THTPA: variants seen among roughly 807,000 people sequenced by gnomAD.
THTPA encodes the protein thiamine-triphosphatase.
Under a neutral mutation model 16.5 loss-of-function variants are expected in THTPA, and 16 were observed. The ratio of observed to expected loss-of-function variants is 0.97; its 90% CI spans 0.66 to 1.47. The LOEUF (loss-of-function observed/expected upper bound fraction) is 1.47. Among genes scored for constraint, THTPA ranks in the 40% most tolerant of loss-of-function variants. The pLI, the probability that THTPA is intolerant of heterozygous loss-of-function variation, is 0.00. For missense variants in THTPA, 281 were observed against 280.9 expected, an observed-to-expected ratio of 1.00 and a Z score of 0.00; for synonymous variants, 110 against 115.5, an observed-to-expected ratio of 0.95 and a Z score of 0.30.
At chr14:23,551,885 G>T (rs1881990313), upstream of THTPA, among the ~76,000 whole-genome samples, 1 of 152,154 alleles carries the variant, frequency 6.6e-6, no homozygotes, top group Admixed American at 6.5e-5. The surrounding 1 kb of genome is among the most constrained non-coding windows in gnomAD (Gnocchi z 5.3). Flanking sequence ...GGGACCCAGG[G>T]CCGGGGGCAG....
the THTPA span, chr14:23,533,180 G>A: frequency 8.3e-6 from 12 of 1,440,932 alleles, no homozygotes; most frequent in Admixed American, 2.2e-4. This position sits in a 1 kb window ranked among gnomAD's most constrained non-coding sequence, Gnocchi z 4.8. Flanking sequence ...ATAGTGCTCA[G>A]AGGGACTTAT....
chr14:23,543,424 G>A, the THTPA span: 1 of 152,262 alleles, frequency 6.6e-6, no homozygotes, highest in Non-Finnish European at 1.5e-5. Flanking sequence ...TGGCTGGTAT[G>A]CATTTTGAAT....
Position 23,558,972 on chromosome 14 carries a change from C to T in THTPA, c.*132C>T, listed in dbSNP as rs1042417650. ...TCTCCAGCGCTGCCTGTTTCTTCCC[C>T]CTCCTCTAAGCTACTCTTCCTTGAG... On this transcript the variant is annotated 3_prime_UTR_variant, in exon 2 of 2. Coordinates refer to ENST00000288014, the MANE Select transcript of THTPA (RefSeq NM_024328.6). The T allele has an allele frequency of 2.7e-6, 3 of 1,127,300 alleles. No individual in the cohort carries two copies. Among genetic ancestry groups the T allele is most frequent in the Non-Finnish European group, 3.7e-6 (3 of 803,812 alleles). The allele number at this position is 1,127,300 out of a possible 1,614,324, so 69.8% of individuals were successfully genotyped here.
the THTPA span, among the ~76,000 whole-genome samples, chr14:23,519,903 G>A: frequency 9.2e-5 from 14 of 152,278 alleles, no homozygotes; most frequent in African/African-American, 2.6e-4. Context: ...GAGAGAGGAT[G>A]GAAGGAGAAC....
At position 23,558,821 on chromosome 14, in the gene THTPA, C is replaced by T. The variant is rs776555482; in HGVS notation, c.674C>T (p.Pro225Leu). 9.3e-6 allele frequency: 15 copies of T among 1,614,066 alleles called. No individual in the cohort carries two copies. The highest frequency in any genetic ancestry group is 4.2e-6 in the Non-Finnish European group (5 of 1,180,032). The change falls in exon 2 of 2, where the codon CCT becomes CTT. Residue 225 changes from proline to leucine, a missense_variant. Transcript: ENST00000288014. Reference protein sequence around the residue: ...SRERPQETEDPDHCLG With the variant: ...SRERPQETEDLDHCLG ...GAGAGGCCACAGGAGACTGAAGATC[C>T]TGACCACTGCCTGGGCTAGGGGTGT...
At chr14:23,523,814 G>A in the THTPA span, 5 of 1,536,122 alleles carry the variant, frequency 3.3e-6, no homozygotes, top group Middle Eastern at 6.7e-4. This position sits in a 1 kb window ranked among gnomAD's most constrained non-coding sequence, Gnocchi z 4.1. Flanking sequence ...AGCCCCAGGG[G>A]ATTCTGGTTC....
the THTPA span, chr14:23,542,145 T>G: frequency 6.6e-6 from 1 of 152,344 alleles, no homozygotes; most frequent in Non-Finnish European, 1.5e-5. Context: ...TTGCATATAT[T>G]GAATCTTTTC....
the THTPA span, among the ~76,000 whole-genome samples, chr14:23,520,678 C>CG: frequency 2.6e-5 from 4 of 151,866 alleles, no homozygotes; most frequent in African/African-American, 9.7e-5. The surrounding 1 kb of genome is among the most constrained non-coding windows in gnomAD (Gnocchi z 8.7). Context: ...TTGGAGGCTG[C>CG]GCATAGCAGG....
At chr14:23,532,724 G>T in the THTPA span, 9 of 1,535,438 alleles carry the variant, frequency 5.9e-6, no homozygotes, top group Non-Finnish European at 6.1e-6. Context: ...TGGGGAAGGG[G>T]TGCCCATGGC....
chr14:23,519,104 G>A, the THTPA span, among the ~76,000 whole-genome samples: 27 of 152,112 alleles, frequency 1.8e-4, no homozygotes, highest in Admixed American at 1.3e-3. Flanking sequence ...GGGACCGCAC[G>A]TGGTATTGCC....
the THTPA span, chr14:23,529,421 A>G: frequency 2.6e-6 from 1 of 386,186 alleles, no homozygotes. Flanking sequence ...TCCTTCCAGC[A>G]TGTACCCCCA....
the THTPA span, among the ~76,000 whole-genome samples, chr14:23,519,511 A>G: frequency 6.6e-6 from 1 of 152,184 alleles, no homozygotes; most frequent in African/African-American, 2.4e-5. Flanking sequence ...AGTGAGCACA[A>G]GACCCGGTGG....
At chr14:23,525,516 C>A in the THTPA span, 1 of 1,535,578 alleles carries the variant, frequency 6.5e-7, no homozygotes, top group Admixed American at 2.0e-5. The surrounding 1 kb of genome is among the most constrained non-coding windows in gnomAD (Gnocchi z 5.9). Context: ...TTGTCCCCAC[C>A]CCCGAGGGCC....
At chr14:23,523,236 G>T in the THTPA span, 72 of 1,432,662 alleles carry the variant, frequency 5.0e-5, no homozygotes, top group South Asian at 2.7e-4. This position sits in a 1 kb window ranked among gnomAD's most constrained non-coding sequence, Gnocchi z 4.1. Flanking sequence ...CCCAGCGGGG[G>T]CTGAGCCAGA....
chr14:23,553,427 C>T (rs538031581), upstream of THTPA, among the ~76,000 whole-genome samples: 200 of 151,484 alleles, frequency 1.3e-3, no homozygotes, highest in African/African-American at 4.8e-3. Flanking sequence ...TGGTGAAACC[C>T]TGTCTCTACT....
At chr14:23,548,783 C>G in the THTPA span, among the ~76,000 whole-genome samples, 6 of 152,180 alleles carry the variant, frequency 3.9e-5, no homozygotes, top group Non-Finnish European at 8.8e-5. Flanking sequence ...GGGCATTTCT[C>G]TCTTCTGGGG....
chr14:23,525,982 C>T, the THTPA span: 3 of 1,518,356 alleles, frequency 2.0e-6, no homozygotes, highest in Non-Finnish European at 2.6e-6. The surrounding 1 kb of genome is among the most constrained non-coding windows in gnomAD (Gnocchi z 5.9). Context: ...ACAGGAAAGG[C>T]AATCCAGATA....
At chr14:23,531,623 C>T in the THTPA span, 2 of 1,523,470 alleles carry the variant, frequency 1.3e-6, no homozygotes, top group Non-Finnish European at 1.8e-6. Flanking sequence ...GCAGGTGTTG[C>T]AGCACAGCCA....
the THTPA span, among the ~76,000 whole-genome samples, chr14:23,527,304 A>G: frequency 6.6e-6 from 1 of 152,220 alleles, no homozygotes; most frequent in African/African-American, 2.4e-5. Context: ...TCTCTTAAGT[A>G]GAGGCAGCTA....
Sources: gnomAD v4.1 joint callset for allele counts (sites outside exome capture counted in the v4.1 genomes callset) on GRCh38, gnomAD v4.1.1 for gene constraint, Gnocchi (gnomAD v3.1) non-coding constraint, MANE v1.5 for transcripts, NCBI Gene and HGNC (gene_info 2026-07-23, HGNC 2026-07-21) for gene names.